Variants in HARS2 observed in about 807,000 individuals in gnomAD.
HARS2 encodes histidyl-tRNA synthetase 2, mitochondrial.
Under a neutral mutation model 62.4 loss-of-function variants are expected in HARS2, and 40 were observed. The ratio of observed to expected loss-of-function variants is 0.64; its 90% CI spans 0.50 to 0.83. The LOEUF (loss-of-function observed/expected upper bound fraction) is 0.83, where lower values mean the gene tolerates loss of function less well. HARS2 is among the 40% of genes least tolerant of loss of function. The pLI, the probability that HARS2 is intolerant of heterozygous loss-of-function variation, is 0.00. For missense variants in HARS2, 569 were observed against 626.4 expected (o/e 0.91, Z 0.98); for synonymous variants, 228 against 227.0 (o/e 1.00, Z -0.04).
intron 8 of HARS2, 110 bp from the exon 9 acceptor site, chr5:140,696,828 CTTTTT>C: frequency 6.3e-5 from 41 of 655,888 alleles, no homozygotes; most frequent in Non-Finnish European, 7.4e-5. Context: ...AGACTGGGAT[CTTTTT>C]TTTTTTTTTT....
chr5:140,695,660 G>A (rs1759712646), intron 5 of HARS2, 27 bp downstream of exon 5: 2 of 1,614,242 alleles, frequency 1.2e-6, no homozygotes, highest in South Asian at 1.1e-5. Context: ...GAGCAGCACA[G>A]TTTGATAGTT....
chr5:140,694,413 G>A, intron 4 of HARS2, 133 bp downstream of exon 4: 2 of 733,164 alleles, frequency 2.7e-6, no homozygotes, highest in South Asian at 1.5e-5. Flanking sequence ...CCAGAAGGCA[G>A]TTCTGCTACG....
chr5:140,693,439 T>C, intron 1 of HARS2, 152 bp from the exon 2 acceptor site: 1 of 1,464,138 alleles, frequency 6.8e-7, no homozygotes, highest in African/African-American at 1.4e-5. Context: ...TTCTTTGGGG[T>C]GGGACTGAGA....
At chr5:140,696,828 C>CTTTTTTTTTTTTTTTTTTTTTTTTTTT (rs373912206) in intron 8 of HARS2, 115 bp from the exon 9 acceptor site, 1 of 588,296 alleles carries the variant, frequency 1.7e-6, no homozygotes. Context: ...AGACTGGGAT[C>CTTTTTTTTTTTTTTTTTTTTTTTTTTT]TTTTTTTTTT....
At chr5:140,693,513 G>A (rs768630910) in intron 1 of HARS2, 78 bp from the exon 2 acceptor site, 2 of 1,612,074 alleles carry the variant, frequency 1.2e-6, no homozygotes, top group South Asian at 1.1e-5. Flanking sequence ...TTGCAGGTTG[G>A]TGGTCAACAG....
At position 140,698,536 on chromosome 5, in the gene HARS2, G is replaced by A. The variant is rs751003402; in HGVS notation, c.1505G>A (p.Arg502Gln). The A allele has an allele frequency of 1.6e-5, 26 of 1,612,470 alleles. No homozygotes were observed. The highest frequency in any genetic ancestry group is 1.5e-4 in the South Asian group (14 of 91,038). The stretch of plus-strand genomic sequence containing the variant: ...AATTTTGTGGCTGAAATTCAGAAGC[G>A]ACTGTCTGAGTCTTGATCCTTGCCT... ...RENFVAEIQK[R>Q]LSES Residue 502 changes from arginine to glutamine, a missense_variant, in exon 13 of 13, where the codon CGA becomes CAA. Coordinates refer to ENST00000230771, the MANE Select transcript of HARS2 (RefSeq NM_012208.4).
chr5:140,697,277 C>T lies in HARS2; in HGVS notation c.1068C>T (p.Gly356=). Residue 356 remains glycine, a synonymous_variant, in exon 10 of 13, where the codon GGC becomes GGT. Coordinates refer to ENST00000230771, the MANE Select transcript of HARS2 (RefSeq NM_012208.4). The part of the protein sequence containing the change: ...TQAGEEPLNV[G]SVAAGGRYDG... ...CTGGGGAGGAGCCCCTGAATGTGGG[C>T]AGTGTGGCTGCTGGTGGGCGCTATG... 6.2e-7 allele frequency: 1 copy of T among 1,614,152 alleles called. No individual in the cohort carries two copies. Among genetic ancestry groups the T allele is most frequent in the South Asian group, 1.1e-5 (1 of 91,086 alleles).
intron 12 of HARS2, 99 bp from the exon 13 acceptor site, chr5:140,698,394 A>G: frequency 5.4e-6 from 5 of 920,056 alleles, no homozygotes; most frequent in Non-Finnish European, 5.5e-6. Flanking sequence ...TGTATAAGTA[A>G]TGGGAGAAGA....
rs1265076732 is a variant in HARS2, at chr5:140,691,605, A to C, written c.-44A>C. The C allele has an allele frequency of 7.8e-7, 1 of 1,287,294 alleles. No individual in the cohort carries two copies. Among genetic ancestry groups the C allele is most frequent in the Non-Finnish European group, 1.1e-6 (1 of 907,996 alleles). 79.7% of individuals were successfully genotyped at this position (1,287,294 alleles called of 1,614,324 possible). A position where few individuals can be genotyped will look rare whatever the true frequency, so the allele number is the denominator to read the frequency against. On this transcript the variant is annotated 5_prime_UTR_variant, in exon 1 of 13. Transcript: ENST00000230771. ...CTGGTGTCTGACCCGCCTCCTTCCC[A>C]GGCCTTTTGTTCCTGTCCCGGAAAG... is the stretch of plus-strand genomic sequence containing the variant.
At position 140,697,559 on chromosome 5, in the gene HARS2, C is replaced by T; in HGVS notation, c.1198-10C>T. On this transcript the variant is annotated splice_polypyrimidine_tract_variant and intron_variant, in intron 10 of 12. Transcript: ENST00000230771. ...GTTTTTATTAGTTTTACTTTCTTCT[C>T]TCTTATTAGACCAAAGGTGAGAAGG... 6.2e-7 allele frequency: 1 copy of T among 1,607,708 alleles called. No individual in the cohort carries two copies. The highest frequency in any genetic ancestry group is 8.5e-7 in the Non-Finnish European group (1 of 1,174,186).
chr5:140,694,402 C>A, intron 4 of HARS2, 122 bp downstream of exon 4: 1 of 757,334 alleles, frequency 1.3e-6, no homozygotes, highest in African/African-American at 1.7e-5. Context: ...TCTAGTTTCT[C>A]CCAGAAGGCA....
chr5:140,691,640 T>G lies in HARS2; in HGVS notation c.-9T>G, dbSNP rs1159508510. ...TTCCTGTCCCGGAAAGCCGGCGTCC[T>G]GCCGCGCGATGCCCCTGCTCGGACT... On this transcript the variant is annotated 5_prime_UTR_variant, in exon 1 of 13. Transcript: ENST00000230771. 1 of 1,541,794 alleles carries G rather than the reference T, an allele frequency of 6.5e-7. No individual in the cohort carries two copies. Among genetic ancestry groups the G allele is most frequent in the Non-Finnish European group, 8.8e-7 (1 of 1,138,808 alleles).
chr5:140,693,815 T>A, intron 2 of HARS2, 120 bp from the exon 3 acceptor site: 1 of 1,296,756 alleles, frequency 7.7e-7, no homozygotes, highest in Non-Finnish European at 1.1e-6. Context: ...TCAGAGTCAT[T>A]TGAACTCAGT....
chr5:140,694,188 AC>A lies in HARS2; in HGVS notation c.310del (p.Leu104Ter). The A allele has an allele frequency of 6.2e-7, 1 of 1,612,576 alleles. No homozygotes were observed. Among genetic ancestry groups the A allele is most frequent in the Non-Finnish European group, 8.5e-7 (1 of 1,178,578 alleles). On this transcript the variant is annotated frameshift_variant, in exon 4 of 13. Coordinates refer to ENST00000230771, the MANE Select transcript of HARS2 (RefSeq NM_012208.4). LOFTEE classifies it high-confidence loss of function. ...TCATTCTGTTTGACCCCTATAGGAA[AC>A]CCTGACTGAGAAGTATGGAGAGGAC... ...MDTPAFELKE[T>X]LTEKYGEDSG...
intron 1 of HARS2, chr5:140,693,386 G>T: frequency 1.0e-6 from 1 of 995,852 alleles, no homozygotes; most frequent in South Asian, 1.4e-5. Context: ...GTGAAGACCT[G>T]ACCTCATATA....
In HARS2 at chr5:140,698,859, C is replaced by G. The variant is rs1383873551; in HGVS notation, c.*307C>G. On this transcript the variant is annotated 3_prime_UTR_variant, in exon 13 of 13. Transcript: ENST00000230771. ...AGTGAGATTGTTGCTGTGAGCAAGG[C>G]TCTGGGAGAGTCACCTCAGGCTCAG... 1 of 431,210 alleles carries G rather than the reference C, an allele frequency of 2.3e-6. No individual in the cohort carries two copies. The highest frequency in any genetic ancestry group is 4.3e-6 in the Non-Finnish European group (1 of 231,508). 26.7% of individuals were successfully genotyped at this position (431,210 alleles called of 1,614,324 possible). A position where few individuals can be genotyped will look rare whatever the true frequency, so the allele number is the denominator to read the frequency against.
In HARS2 at chr5:140,697,280, T is replaced by C; in HGVS notation, c.1071T>C (p.Ser357=). 5 of 1,614,144 alleles carry C rather than the reference T, an allele frequency of 3.1e-6. No individual in the cohort carries two copies. Among genetic ancestry groups the C allele is most frequent in the Non-Finnish European group, 3.4e-6 (4 of 1,180,016 alleles). Residue 357 remains serine (S), a synonymous_variant, in exon 10 of 13, where the codon AGT becomes AGC. Transcript: ENST00000230771. Reference sequence around the variant, plus strand: ...GGGAGGAGCCCCTGAATGTGGGCAGTGTGGCTGCTGGTGGGCGCTATGATG... The same window carrying C: ...GGGAGGAGCCCCTGAATGTGGGCAGCGTGGCTGCTGGTGGGCGCTATGATG... The part of the protein sequence containing the change: ...QAGEEPLNVG[S]VAAGGRYDGL...
chr5:140,696,287 T>G lies in HARS2; in HGVS notation c.732+86T>G. ...TACCACTAGTGAAAAATAAGGAGAT[T>G]GTGGCTGGAAGTGGGCTATTTTGGG... On this transcript the variant is annotated intron_variant, in intron 7 of 12. Transcript: ENST00000230771. 4 of 1,064,902 alleles carry G rather than the reference T, an allele frequency of 3.8e-6. No individual in the cohort carries two copies. In the South Asian group the frequency reaches 5.0e-5, roughly 13 times the overall value. 66.0% of individuals were successfully genotyped at this position (1,064,902 alleles called of 1,614,324 possible).
intron 4 of HARS2, among the ~76,000 whole-genome samples, 197 bp from the exon 5 acceptor site, chr5:140,695,311 G>A (rs1315790182): frequency 6.6e-6 from 1 of 152,116 alleles, no homozygotes; most frequent in African/African-American, 2.4e-5. Context: ...AGTTTTGCTA[G>A]GTGAGATTCC....
Sources: allele counts gnomAD v4.1 joint callset (sites outside exome capture counted in the v4.1 genomes callset), GRCh38; gene constraint gnomAD v4.1.1; transcripts MANE v1.5; gene names NCBI Gene and HGNC (gene_info 2026-07-23, HGNC 2026-07-21).